SPTBN1: variants seen among roughly 807,000 people sequenced by gnomAD.
SPTBN1 encodes the protein spectrin beta chain, non-erythrocytic 1.
SPTBN1 carries 32 observed loss-of-function variants against 266.4 expected under a neutral mutation model. The ratio of observed to expected loss-of-function variants is 0.12; its 90% CI spans 0.09 to 0.16. SPTBN1 has a LOEUF of 0.16. Ranked by LOEUF, SPTBN1 falls within the 10% of genes least tolerant of loss-of-function variation. The probability of loss-of-function intolerance (pLI) is 1.00; values close to 1 mark genes in which losing one functional copy is unlikely to be tolerated. For missense variants in SPTBN1, 2,296 were observed against 3,067.1 expected, an observed-to-expected ratio of 0.75 and a Z score of 5.94; for synonymous variants, 1,336 against 1,162.2, an observed-to-expected ratio of 1.15 and a Z score of -3.04.
At chr2:54,599,280 G>A (rs574422744) in intron 3 of SPTBN1, 37 bp downstream of exon 3, 9 of 1,600,604 alleles carry the variant, frequency 5.6e-6, no homozygotes, top group South Asian at 5.6e-5. Flanking sequence ...TGTGTTGTAG[G>A]TGGAAAATAT....
chr2:54,603,545 C>T (rs1676637194), intron 3 of SPTBN1, among the ~76,000 whole-genome samples: 1 of 152,104 alleles, frequency 6.6e-6, no homozygotes, highest in Admixed American at 6.5e-5. Flanking sequence ...GCCTCCTTTC[C>T]CATGGAGCCC....
chr2:54,623,364 C>A, intron 9 of SPTBN1, 115 bp from the exon 10 acceptor site: 1 of 886,670 alleles, frequency 1.1e-6, no homozygotes, highest in Non-Finnish European at 1.8e-6. Flanking sequence ...CTACTGATGT[C>A]TCTTTGACAT....
intron 2 of SPTBN1, among the ~76,000 whole-genome samples, chr2:54,550,260 A>G (rs941979785): frequency 3.3e-5 from 5 of 152,212 alleles, no homozygotes; most frequent in Non-Finnish European, 5.9e-5. Flanking sequence ...TGGGCTGTCC[A>G]TGAATTATTC....
chr2:54,629,114 C>T lies in SPTBN1; in HGVS notation c.1980C>T (p.Ile660=), dbSNP rs1474510984. The T allele has an allele frequency of 6.2e-7, 1 of 1,613,554 alleles. No homozygotes were observed. Among genetic ancestry groups the T allele is most frequent in the Non-Finnish European group, 8.5e-7 (1 of 1,179,932 alleles). Residue 660 remains isoleucine, a synonymous_variant, in exon 14 of 36, where the codon ATC becomes ATT. Transcript: ENST00000356805. ...GCTGGATACGGGAGAAGGAGAAGATCCTGTCCTCGGACGATTACGGGAAAG... is the reference window on the plus strand; with the variant it reads ...GCTGGATACGGGAGAAGGAGAAGATTCTGTCCTCGGACGATTACGGGAAAG... ...EEGWIREKEK[I]LSSDDYGKDL...
chr2:54,622,930 T>A (rs1678090950), intron 9 of SPTBN1, among the ~76,000 whole-genome samples: 1 of 152,236 alleles, frequency 6.6e-6, no homozygotes, highest in Non-Finnish European at 1.5e-5. Context: ...TAAAGAAAGA[T>A]AATAGATAAT....
chr2:54,579,856 C>T (rs1674759362), intron 2 of SPTBN1, among the ~76,000 whole-genome samples: 1 of 152,152 alleles, frequency 6.6e-6, no homozygotes, highest in South Asian at 2.1e-4. Context: ...GCAAATAGCC[C>T]ACAGCAGTTA....
In SPTBN1 at chr2:54,645,544, T is replaced by G. The variant is rs113921363; in HGVS notation, c.4494+91T>G. On this transcript the variant is annotated intron_variant, in intron 21 of 35. Transcript: ENST00000356805. This position sits in a 1 kb window ranked among gnomAD's most constrained non-coding sequence, Gnocchi z 4.3. Reference sequence around the variant, plus strand: ...TTCTCACTTCTCAGTCATCCTCACCTTGGGCCACGTTGGCAAGCTGAGCTG... The same window carrying G: ...TTCTCACTTCTCAGTCATCCTCACCGTGGGCCACGTTGGCAAGCTGAGCTG... 4,172 of 1,361,898 alleles carry G rather than the reference T, an allele frequency of 3.1e-3. 103 individuals carry two copies. In the African/African-American group the frequency reaches 0.05, roughly 16 times the overall value. The allele number at this position is 1,361,898 out of a possible 1,614,324, so 84.4% of individuals were successfully genotyped here. A position where few individuals can be genotyped will look rare whatever the true frequency, so the allele number is the denominator to read the frequency against.
intron 3 of SPTBN1, among the ~76,000 whole-genome samples, chr2:54,606,955 C>T (rs1241360162): frequency 3.3e-5 from 5 of 152,334 alleles, no homozygotes; most frequent in South Asian, 2.1e-4. Flanking sequence ...TTTCCTACCT[C>T]GTTAGATTGC....
At chr2:54,585,432 T>C (rs1675226575) in intron 2 of SPTBN1, among the ~76,000 whole-genome samples, 1 of 142,866 alleles carries the variant, frequency 7.0e-6, no homozygotes, top group Non-Finnish European at 1.5e-5. Flanking sequence ...TCCTCCTCTA[T>C]TAAAACAAGG....
chr2:54,575,935 G>C (rs1674431558), intron 2 of SPTBN1, among the ~76,000 whole-genome samples: 1 of 152,166 alleles, frequency 6.6e-6, no homozygotes, highest in Non-Finnish European at 1.5e-5. Flanking sequence ...AACATGGTTG[G>C]ATGAGTGGTT....
In SPTBN1 at chr2:54,558,691, C is replaced by A; in HGVS notation, c.148+32125C>A. ...GGCTCGCCTAAGGAGCCGAGCGCTG[C>A]GGAGGCTGCTGCGTGTTGGATGGGA... is the stretch of plus-strand genomic sequence containing the variant. On this transcript the variant is annotated intron_variant, in intron 2 of 35. Transcript: ENST00000356805. This position sits in a 1 kb window ranked among gnomAD's most constrained non-coding sequence, Gnocchi z 4.6. The A allele has an allele frequency of 6.5e-7, 1 of 1,542,574 alleles. No homozygotes were observed. Among genetic ancestry groups the A allele is most frequent in the Non-Finnish European group, 8.8e-7 (1 of 1,140,504 alleles).
chr2:54,668,306 G>A, intron 35 of SPTBN1, 45 bp from the exon 36 acceptor site: 3 of 1,594,488 alleles, frequency 1.9e-6, no homozygotes, highest in Non-Finnish European at 2.6e-6. Context: ...AACCCCTCAT[G>A]CCTACTCTTA....
intron 2 of SPTBN1, among the ~76,000 whole-genome samples, chr2:54,541,422 A>G (rs1671932551): frequency 6.6e-6 from 1 of 152,216 alleles, no homozygotes. Context: ...TACAGGATGG[A>G]GAAGAGGCGA....
In SPTBN1 at chr2:54,645,497, C is replaced by G. The variant is rs1370867536; in HGVS notation, c.4494+44C>G. 9 of 1,588,470 alleles carry G rather than the reference C, an allele frequency of 5.7e-6. No homozygotes were observed. Among genetic ancestry groups the G allele is most frequent in the East Asian group, 2.3e-5 (1 of 44,252 alleles). On this transcript the variant is annotated intron_variant, in intron 21 of 35. Coordinates refer to ENST00000356805, the MANE Select transcript of SPTBN1 (RefSeq NM_003128.3). The surrounding 1 kb of genome is among the most constrained non-coding windows in gnomAD (Gnocchi z 4.3). ...CACACATGGCTTTTCCACGAGCCCC[C>G]TTGCCTGTGCTAAAGCCCACATTCT...
At chr2:54,578,470 T>TGCTGCC (rs1674640786) in intron 2 of SPTBN1, among the ~76,000 whole-genome samples, 2 of 151,834 alleles carry the variant, frequency 1.3e-5, no homozygotes, top group African/African-American at 2.4e-5. Context: ...CTGCTGCTGC[T>TGCTGCC]GCTGCTGCCA....
In SPTBN1 at chr2:54,649,115, C is replaced by T; in HGVS notation, c.5127C>T (p.Asp1709=). The change falls in exon 25 of 36, where the codon GAC becomes GAT. Residue 1709 remains aspartate, a synonymous_variant. Coordinates refer to ENST00000356805, the MANE Select transcript of SPTBN1 (RefSeq NM_003128.3). The surrounding 1 kb of genome is among the most constrained non-coding windows in gnomAD (Gnocchi z 6.7). ...TCCAGCTCAACCGGGAGGTGGACGA[C>T]CTGGAGCAGTGGATCGCTGAGAGGG... ...RLFQLNREVD[D]LEQWIAEREV... The T allele has an allele frequency of 6.2e-7, 1 of 1,613,910 alleles. No individual in the cohort carries two copies. The highest frequency in any genetic ancestry group is 8.5e-7 in the Non-Finnish European group (1 of 1,179,854).
intron 24 of SPTBN1, 143 bp downstream of exon 24, chr2:54,647,404 AC>A: frequency 1.7e-6 from 2 of 1,148,028 alleles, no homozygotes; most frequent in Non-Finnish European, 2.4e-6. Context: ...TTTAAAACAG[AC>A]CCATCATTTA....
At chr2:54,611,064 C>T (rs568253059) in intron 3 of SPTBN1, among the ~76,000 whole-genome samples, 2 of 150,006 alleles carry the variant, frequency 1.3e-5, no homozygotes, top group Non-Finnish European at 1.5e-5. Flanking sequence ...TCAAATGGTG[C>T]CATTACAATC....
Position 54,664,251 on chromosome 2 carries a change from G to A in SPTBN1, c.6421-202G>A, listed in dbSNP as rs1397408086. ...GGCATTTCGCTTTTCTCATTTCCCT[G>A]TAAATGGGCGGGTATTAATCCATTC... On this transcript the variant is annotated intron_variant, in intron 32 of 35. Transcript: ENST00000356805. This position sits in a 1 kb window ranked among gnomAD's most constrained non-coding sequence, Gnocchi z 5.6. The A allele has an allele frequency of 1.7e-6, 1 of 580,600 alleles. No homozygotes were observed. The highest frequency in any genetic ancestry group is 3.1e-6 in the Non-Finnish European group (1 of 327,758). 36.0% of individuals were successfully genotyped at this position (580,600 alleles called of 1,614,324 possible).
Sources: allele counts gnomAD v4.1 joint callset (sites outside exome capture counted in the v4.1 genomes callset), GRCh38; gene constraint gnomAD v4.1.1; non-coding constraint Gnocchi (gnomAD v3.1); transcripts MANE v1.5; gene names NCBI Gene and HGNC (gene_info 2026-07-23, HGNC 2026-07-21).